PAX5: variants seen among roughly 807,000 people sequenced by gnomAD.
PAX5 encodes paired box 5, also known as paired box protein Pax-5.
In PAX5, 9 loss-of-function variants were observed where a neutral mutation model predicts 43.7. The ratio of observed to expected loss-of-function variants is 0.21; its 90% CI spans 0.12 to 0.36. The LOEUF is 0.36. PAX5 is among the 10% of genes least tolerant of loss of function. The pLI, the probability that PAX5 is intolerant of heterozygous loss-of-function variation, is 1.00. For missense variants in PAX5, 383 were observed against 532.7 expected, an observed-to-expected ratio of 0.72 and a Z score of 2.77; for synonymous variants, 228 against 214.3, an observed-to-expected ratio of 1.06 and a Z score of -0.56.
In PAX5 at chr9:36,981,196, CT is replaced by C. The variant is rs146850351; in HGVS notation, c.605-14473del. Among the ~76,000 whole-genome samples the C allele has an allele frequency of 9.2e-3, 1,096 of 118,848 alleles. 33 individuals carry two copies. Among genetic ancestry groups the C allele is most frequent in the Admixed American group, 0.062 (683 of 11,030 alleles). The allele number at this position is 118,848 out of a possible 152,430, so 78.0% of individuals were successfully genotyped here. ...CCAAAAACAGCAAAGCCCCCCCCCCCTCAGCCCTGCTTCATTCCCTGTCTCC... is the reference window on the plus strand; with the variant it reads ...CCAAAAACAGCAAAGCCCCCCCCCCCCAGCCCTGCTTCATTCCCTGTCTCC... On this transcript the variant is annotated intron_variant, in intron 5 of 9. Transcript: ENST00000358127.
chr9:37,027,555 G>T (rs1358309161), intron 1 of PAX5, among the ~76,000 whole-genome samples: 2 of 152,234 alleles, frequency 1.3e-5, no homozygotes, highest in African/African-American at 4.8e-5. Flanking sequence ...CAAGGCCGCC[G>T]GGGCTGCCGG....
At chr9:36,856,536 T>C (rs3739438) in intron 8 of PAX5, 25,357 of 151,622 alleles carry the variant, frequency 0.17, 2,138 homozygotes, top group Middle Eastern at 0.28. Context: ...TTCGTCTTTC[T>C]TTTTTCCTCT....
At chr9:36,990,615 A>G (rs1836848630) in intron 5 of PAX5, among the ~76,000 whole-genome samples, 1 of 152,252 alleles carries the variant, frequency 6.6e-6, no homozygotes, top group South Asian at 2.1e-4. Context: ...AATAGTCCAA[A>G]TGAGAGAAGA....
chr9:36,906,470 C>G (rs1828831784), intron 7 of PAX5, among the ~76,000 whole-genome samples: 1 of 152,188 alleles, frequency 6.6e-6, no homozygotes, highest in African/African-American at 2.4e-5. Context: ...CTGGAAAAGG[C>G]AAGGAAACGA....
At chr9:36,977,118 G>A (rs1239966314) in intron 5 of PAX5, among the ~76,000 whole-genome samples, 1 of 152,158 alleles carries the variant, frequency 6.6e-6, no homozygotes, top group Non-Finnish European at 1.5e-5. Context: ...CACAGCCCTG[G>A]GAGCCTAATG....
chr9:36,867,104 T>G, intron 8 of PAX5, among the ~76,000 whole-genome samples: 2 of 151,154 alleles, frequency 1.3e-5, no homozygotes, highest in Non-Finnish European at 1.5e-5. Context: ...AAGGCTAGAT[T>G]CCAATTTCTT....
At chr9:36,905,214 C>A (rs1049163389) in intron 7 of PAX5, among the ~76,000 whole-genome samples, 1 of 152,314 alleles carries the variant, frequency 6.6e-6, no homozygotes, top group Non-Finnish European at 1.5e-5. Context: ...CACTTTCCTG[C>A]CGGGGAGGCC....
intron 5 of PAX5, among the ~76,000 whole-genome samples, chr9:36,991,430 C>T (rs1420823695): frequency 6.6e-6 from 1 of 152,060 alleles, no homozygotes; most frequent in African/African-American, 2.4e-5. Context: ...AGAGAAGTGA[C>T]TTGGCCAAGG....
intron 1 of PAX5, among the ~76,000 whole-genome samples, chr9:37,023,899 A>C (rs1473013962): frequency 6.6e-6 from 1 of 152,218 alleles, no homozygotes; most frequent in Non-Finnish European, 1.5e-5. Context: ...GGCAGTAGAC[A>C]TATACATGGT....
chr9:36,853,711 A>G (rs924924907), intron 8 of PAX5, among the ~76,000 whole-genome samples: 1 of 152,242 alleles, frequency 6.6e-6, no homozygotes, highest in African/African-American at 2.4e-5. Flanking sequence ...ACTAGAGAAC[A>G]CTGATTAAAA....
In PAX5 at chr9:36,840,631, G is replaced by C. The variant is rs761536587; in HGVS notation, c.1105C>G (p.Pro369Ala). ...RFPNPGLLGS[P>A]YYYSAAARGA... ...CGGGCGGCAGCGCTATAATAGTAGG[G>C]GGAGCCTGGAAGAGACGGGAGAGAG... The change falls in exon 10 of 10, where the codon CCC becomes GCC. Residue 369 changes from proline to alanine, a missense_variant. By Grantham distance (27) the Pro-to-Ala change is conservative. This residue lies in a region of PAX5 where 291 missense variants were observed against 342.5 expected (regional missense o/e 0.85). Transcript: ENST00000358127. 2 of 1,566,058 alleles carry C rather than the reference G, an allele frequency of 1.3e-6. No homozygotes were observed. Among genetic ancestry groups the C allele is most frequent in the South Asian group, 2.3e-5 (2 of 85,174 alleles).
chr9:37,020,517 G>T, intron 2 of PAX5, 119 bp downstream of exon 2: 2 of 1,053,630 alleles, frequency 1.9e-6, no homozygotes, highest in Non-Finnish European at 2.8e-6. Flanking sequence ...AGTGCTCTGC[G>T]TGTGAAACAA....
intron 5 of PAX5, among the ~76,000 whole-genome samples, chr9:36,978,092 G>A (rs983740340): frequency 6.6e-6 from 1 of 152,162 alleles, no homozygotes; most frequent in Non-Finnish European, 1.5e-5. Flanking sequence ...TCATGGTGTT[G>A]GTATGAAGAG....
At chr9:36,852,702 TTCC>T (rs1016820882) in intron 8 of PAX5, among the ~76,000 whole-genome samples, 3 of 152,252 alleles carry the variant, frequency 2.0e-5, no homozygotes, top group Non-Finnish European at 4.4e-5. Context: ...AATGCACTTC[TTCC>T]TCCCTTCACG....
chr9:36,902,011 G>C (rs1828437915), intron 7 of PAX5, among the ~76,000 whole-genome samples: 1 of 152,160 alleles, frequency 6.6e-6, no homozygotes, highest in African/African-American at 2.4e-5. Flanking sequence ...TTTAGAGTAA[G>C]GGTGAGGGAG....
Position 36,837,639 on chromosome 9 carries a change from C to T in PAX5, c.*2921G>A, listed in dbSNP as rs577081099. Reference sequence around the variant, plus strand: ...ACGAGGTGCTGTGAATTGGTGAGAGCGGGCGTGTGTGTGTGAGAACATCCG... The same window carrying T: ...ACGAGGTGCTGTGAATTGGTGAGAGTGGGCGTGTGTGTGTGAGAACATCCG... On this transcript the variant is annotated 3_prime_UTR_variant, in exon 10 of 10. Transcript: ENST00000358127. 5.1e-5 allele frequency: 12 copies of T among 233,302 alleles called. No homozygotes were observed. The South Asian group carries it at 1.4e-3, about 28-fold the overall frequency. 14.5% of individuals were successfully genotyped at this position (233,302 alleles called of 1,614,324 possible).
At chr9:36,946,689 T>C (rs1017934405) in intron 6 of PAX5, among the ~76,000 whole-genome samples, 5 of 152,220 alleles carry the variant, frequency 3.3e-5, no homozygotes, top group African/African-American at 1.2e-4. Flanking sequence ...GTGCTAGAGA[T>C]AGGTTACGGT....
At chr9:36,864,074 A>C (rs1824543073) in intron 8 of PAX5, among the ~76,000 whole-genome samples, 1 of 152,214 alleles carries the variant, frequency 6.6e-6, no homozygotes, top group African/African-American at 2.4e-5. Context: ...GCACCGCTAC[A>C]TTCCAGCCTG....
intron 6 of PAX5, among the ~76,000 whole-genome samples, chr9:36,953,934 G>A (rs1391533155): frequency 3.3e-5 from 5 of 152,080 alleles, no homozygotes; most frequent in African/African-American, 4.8e-5. Context: ...TTAGCCAGGC[G>A]TGGTGGTGCT....
Sources: gnomAD v4.1 joint callset for allele counts (sites outside exome capture counted in the v4.1 genomes callset) on GRCh38, gnomAD v4.1.1 for gene constraint, gnomAD v4.1.1 regional missense constraint, MANE v1.5 for transcripts, NCBI Gene and HGNC (gene_info 2026-07-23, HGNC 2026-07-21) for gene names.